EPHA5: variants seen among roughly 807,000 people sequenced by gnomAD.
The protein encoded by EPHA5 is ephrin type-A receptor 5.
Under a neutral mutation model 105.0 loss-of-function variants are expected in EPHA5, and 60 were observed. The observed-to-expected ratio is 0.57, with a 90% CI of 0.46 to 0.71. EPHA5 has a LOEUF of 0.71. EPHA5 is among the 30% of genes least tolerant of loss of function. EPHA5 has a pLI of 0.00. For synonymous variants in EPHA5, 513 were observed against 449.1 expected (o/e 1.14, Z -1.80); for missense variants, 1,218 against 1,274.7 (o/e 0.96, Z 0.68).
At chr4:65,589,494 G>A (rs1190634914) in intron 3 of EPHA5, among the ~76,000 whole-genome samples, 1 of 152,090 alleles carries the variant, frequency 6.6e-6, no homozygotes, top group African/African-American at 2.4e-5. Context: ...AGAAAACAAG[G>A]AGTCTTCACT....
intron 3 of EPHA5, among the ~76,000 whole-genome samples, chr4:65,539,387 T>C (rs1158595197): frequency 1.3e-5 from 2 of 151,724 alleles, no homozygotes; most frequent in African/African-American, 4.8e-5. Flanking sequence ...AAGATAGGGC[T>C]TTTATGTGTC....
At chr4:65,646,304 T>C (rs180813226) in intron 1 of EPHA5, among the ~76,000 whole-genome samples, 4 of 152,308 alleles carry the variant, frequency 2.6e-5, no homozygotes, top group Admixed American at 2.0e-4. Flanking sequence ...CCTATGAACC[T>C]AGCCTCAGTT....
chr4:65,320,901 T>C lies in EPHA5; in HGVS notation c.*3213A>G. The C allele has an allele frequency of 4.3e-6, 1 of 230,334 alleles. No individual in the cohort carries two copies. Among genetic ancestry groups the C allele is most frequent in the East Asian group, 6.1e-5 (1 of 16,296 alleles). 14.3% of individuals were successfully genotyped at this position (230,334 alleles called of 1,614,324 possible). Reference sequence around the variant, plus strand: ...AATTTTTACAGTAATCTTACAACCTTAGAATACTGACTTGGTAATTGAAAC... The same window carrying C: ...AATTTTTACAGTAATCTTACAACCTCAGAATACTGACTTGGTAATTGAAAC... On this transcript the variant is annotated 3_prime_UTR_variant, in exon 17 of 17. Coordinates refer to ENST00000613740, the MANE Select transcript of EPHA5 (RefSeq NM_001281766.3).
At chr4:65,448,469 G>GA (rs1179468088) in intron 5 of EPHA5, among the ~76,000 whole-genome samples, 2 of 152,054 alleles carry the variant, frequency 1.3e-5, no homozygotes, top group African/African-American at 2.4e-5. Context: ...CCAATATGGC[G>GA]AAACCCCGTC....
intron 3 of EPHA5, among the ~76,000 whole-genome samples, chr4:65,580,852 A>T (rs2149396946): frequency 6.6e-6 from 1 of 151,794 alleles, no homozygotes; most frequent in South Asian, 2.1e-4. Context: ...ATTAAAAGAT[A>T]CAATGTGTTA....
chr4:65,565,465 A>C (rs1224536002), intron 3 of EPHA5, among the ~76,000 whole-genome samples: 2 of 151,746 alleles, frequency 1.3e-5, no homozygotes, highest in East Asian at 1.9e-4. Context: ...AAATTTAATA[A>C]GAGATTTCCA....
intron 5 of EPHA5, among the ~76,000 whole-genome samples, chr4:65,465,767 T>C (rs1014801843): frequency 6.6e-6 from 1 of 152,202 alleles, no homozygotes; most frequent in African/African-American, 2.4e-5. Flanking sequence ...ATCCCCGCTT[T>C]AGCTCCATAA....
intron 5 of EPHA5, among the ~76,000 whole-genome samples, chr4:65,438,551 G>T (rs931242275): frequency 3.3e-5 from 5 of 151,892 alleles, no homozygotes; most frequent in Non-Finnish European, 5.9e-5. Context: ...AAAGAAGACA[G>T]TGAAGAACCA....
At position 65,601,681 on chromosome 4, in the gene EPHA5, C is replaced by T. The variant is rs2149436937; in HGVS notation, c.870G>A (p.Met290Ile). The change falls in exon 3 of 17, where the codon ATG becomes ATA. Residue 290 changes from methionine (M) to isoleucine (I), a missense_variant. By Grantham distance (10) the Met-to-Ile change is conservative (BLOSUM62 1). Coordinates refer to ENST00000613740, the MANE Select transcript of EPHA5 (RefSeq NM_001281766.3). ...GEWLVPIGKCMCKAGYEEKNG... is the reference protein window; with the variant it reads ...GEWLVPIGKCICKAGYEEKNG... ...TTTTCTCTTCATATCCTGCCTTGCA[C>T]ATGCATTTCCCGATGGGCACCAGCC... 2 of 1,614,158 alleles carry T rather than the reference C, an allele frequency of 1.2e-6. No individual in the cohort carries two copies. Among genetic ancestry groups the T allele is most frequent in the Non-Finnish European group, 1.7e-6 (2 of 1,180,004 alleles).
chr4:65,431,132 C>A (rs1042703489), intron 5 of EPHA5, among the ~76,000 whole-genome samples: 1 of 152,056 alleles, frequency 6.6e-6, no homozygotes, highest in African/African-American at 2.4e-5. Flanking sequence ...CAAGATAAAT[C>A]CTCACAACGA....
chr4:65,424,902 A>G (rs760676841), intron 5 of EPHA5, among the ~76,000 whole-genome samples: 1 of 152,124 alleles, frequency 6.6e-6, no homozygotes, highest in Non-Finnish European at 1.5e-5. Context: ...CATTCTTTAA[A>G]ACAAAGTGAA....
At chr4:65,381,396 AT>A (rs1719547770) in intron 8 of EPHA5, among the ~76,000 whole-genome samples, 1 of 151,808 alleles carries the variant, frequency 6.6e-6, no homozygotes, top group African/African-American at 2.4e-5. Flanking sequence ...TGTTACATTC[AT>A]TGCATTATGG....
chr4:65,495,320 G>T (rs2149224820), intron 4 of EPHA5, 68 bp downstream of exon 4: 1 of 1,471,004 alleles, frequency 6.8e-7, no homozygotes, highest in South Asian at 1.3e-5. Context: ...ACTATAACAG[G>T]CTCCATCATG....
At chr4:65,454,317 A>G (rs1485382712) in intron 5 of EPHA5, among the ~76,000 whole-genome samples, 1 of 151,848 alleles carries the variant, frequency 6.6e-6, no homozygotes, top group Non-Finnish European at 1.5e-5. Flanking sequence ...AATAATATGA[A>G]CAGTGTTGGT....
chr4:65,559,327 T>A (rs1738775407), intron 3 of EPHA5, among the ~76,000 whole-genome samples: 1 of 152,094 alleles, frequency 6.6e-6, no homozygotes, highest in African/African-American at 2.4e-5. Context: ...AATTTGACGA[T>A]CATTTCAAAG....
intron 8 of EPHA5, chr4:65,377,002 T>C: frequency 6.2e-7 from 1 of 1,607,308 alleles, no homozygotes; most frequent in South Asian, 1.1e-5. Flanking sequence ...ACTAACCATA[T>C]TAGGCTTGGA....
chr4:65,596,681 A>C (rs925393442), intron 3 of EPHA5, among the ~76,000 whole-genome samples: 3 of 150,474 alleles, frequency 2.0e-5, no homozygotes, highest in African/African-American at 7.3e-5. Flanking sequence ...ACAAAAGCAG[A>C]ACACACACAC....
rs1273609394 is a variant in EPHA5, at chr4:65,378,754, T to C, written c.1794-11330A>G. Among the ~76,000 whole-genome samples, 3 of 151,648 alleles carry C rather than the reference T, an allele frequency of 2.0e-5. No individual in the cohort carries two copies. The East Asian group carries it at 5.8e-4, about 30-fold the overall frequency. On this transcript the variant is annotated intron_variant, in intron 8 of 16. Transcript: ENST00000613740. ...GACTGCTAGTTTTCTGAGATGAGAA[T>C]GACTGCTCTTGTTTGCTTGTTTTCT...
chr4:65,445,425 G>A (rs573618510), intron 5 of EPHA5, among the ~76,000 whole-genome samples: 49 of 152,178 alleles, frequency 3.2e-4, no homozygotes, highest in Non-Finnish European at 5.9e-4. Context: ...CTAGTTCAAA[G>A]CAAATGATGA....
Sources: allele counts gnomAD v4.1 joint callset (sites outside exome capture counted in the v4.1 genomes callset), GRCh38; gene constraint gnomAD v4.1.1; transcripts MANE v1.5; gene names NCBI Gene and HGNC (gene_info 2026-07-23, HGNC 2026-07-21).